The following STK39 variants were observed in gnomAD, a reference collection of about 807,000 sequenced individuals.
The protein encoded by STK39 is STE20/SPS1-related proline-alanine-rich protein kinase.
A neutral mutation model predicts 77.8 loss-of-function variants in STK39; 20 were observed. The observed-to-expected ratio is 0.26, with a 90% CI of 0.18 to 0.37. The LOEUF (loss-of-function observed/expected upper bound fraction) is 0.37. Ranked by LOEUF, STK39 falls within the 10% of genes least tolerant of loss-of-function variation. The probability of loss-of-function intolerance (pLI) is 1.00; values close to 1 mark genes in which losing one functional copy is unlikely to be tolerated. For missense variants in STK39, 479 were observed against 656.5 expected (o/e 0.73, Z 2.95); for synonymous variants, 246 against 234.1 (o/e 1.05, Z -0.47).
intron 5 of STK39, among the ~76,000 whole-genome samples, chr2:168,161,145 T>A (rs1171991837): frequency 1.3e-5 from 2 of 152,120 alleles, no homozygotes; most frequent in African/African-American, 4.8e-5. Flanking sequence ...TGAGACAGAC[T>A]TTCAACGACA....
chr2:168,127,431 G>A (rs1204174278), intron 10 of STK39, among the ~76,000 whole-genome samples: 1 of 152,164 alleles, frequency 6.6e-6, no homozygotes, highest in Non-Finnish European at 1.5e-5. Context: ...TTACAGGTGT[G>A]AGCCACCACA....
chr2:167,999,827 A>C (rs1300727039), intron 16 of STK39, among the ~76,000 whole-genome samples: 1 of 152,140 alleles, frequency 6.6e-6, no homozygotes, highest in East Asian at 1.9e-4. Flanking sequence ...CTGGATGACA[A>C]AGAGTGGTAG....
intron 15 of STK39, among the ~76,000 whole-genome samples, chr2:168,016,534 G>A (rs1016240744): frequency 1.2e-4 from 19 of 152,174 alleles, no homozygotes; most frequent in Admixed American, 1.0e-3. Context: ...AATAACCGCA[G>A]AGGGGGTCAA....
intron 14 of STK39, among the ~76,000 whole-genome samples, chr2:168,040,063 G>T (rs1044103212): frequency 3.9e-5 from 6 of 151,954 alleles, no homozygotes; most frequent in Non-Finnish European, 8.8e-5. Context: ...CAATCATCCT[G>T]TACATTACAA....
intron 14 of STK39, among the ~76,000 whole-genome samples, chr2:168,055,292 T>A (rs538320255): frequency 2.6e-4 from 40 of 152,380 alleles, no homozygotes; most frequent in Non-Finnish European, 4.3e-4. Context: ...ATACTCATGC[T>A]AAAACAATGG....
intron 1 of STK39, among the ~76,000 whole-genome samples, chr2:168,191,471 G>A (rs1689338677): frequency 6.6e-6 from 1 of 152,132 alleles, no homozygotes; most frequent in Non-Finnish European, 1.5e-5. Flanking sequence ...GGAAGGCCCT[G>A]GATTTGGGCA....
At chr2:168,205,445 T>C (rs540360977) in intron 1 of STK39, among the ~76,000 whole-genome samples, 1 of 152,276 alleles carries the variant, frequency 6.6e-6, no homozygotes, top group South Asian at 2.1e-4. Context: ...AAAATTACTT[T>C]ATAATATTAA....
At chr2:168,014,747 G>A (rs1684363658) in intron 15 of STK39, among the ~76,000 whole-genome samples, 1 of 152,128 alleles carries the variant, frequency 6.6e-6, no homozygotes, top group Admixed American at 6.5e-5. Flanking sequence ...CTACTGATTG[G>A]TCATCTGCTG....
At chr2:168,216,538 A>C (rs1690029155) in intron 1 of STK39, among the ~76,000 whole-genome samples, 1 of 152,252 alleles carries the variant, frequency 6.6e-6, no homozygotes, top group Admixed American at 6.5e-5. Flanking sequence ...GCATTCCTGC[A>C]GGAAATTCCT....
intron 1 of STK39, among the ~76,000 whole-genome samples, chr2:168,186,416 T>C (rs781569569): frequency 6.6e-6 from 1 of 152,214 alleles, no homozygotes; most frequent in Non-Finnish European, 1.5e-5. Context: ...CTAACACCTA[T>C]GGCAGAGAAT....
Position 168,065,316 on chromosome 2 carries a change from T to C in STK39, c.1305+3A>G, listed in dbSNP as rs757106778. 4.3e-6 allele frequency: 7 copies of C among 1,613,934 alleles called. No homozygotes were observed. The highest frequency in any genetic ancestry group is 2.2e-5 in the East Asian group (1 of 44,872). On this transcript the variant is annotated splice_donor_region_variant and intron_variant, in intron 13 of 17. Transcript: ENST00000355999. ...AAACGGAATGACTGGCAGAGAAACA[T>C]ACCTGAGAGTCGTGCACAGAGAGGG...
chr2:167,974,118 A>G (rs1280500884), intron 16 of STK39, among the ~76,000 whole-genome samples: 1 of 152,186 alleles, frequency 6.6e-6, no homozygotes, highest in African/African-American at 2.4e-5. Flanking sequence ...TTAAAAGATA[A>G]TAAAAGATTT....
chr2:168,117,966 T>C (rs958055571), intron 10 of STK39, among the ~76,000 whole-genome samples: 1 of 152,178 alleles, frequency 6.6e-6, no homozygotes, highest in Admixed American at 6.6e-5. Context: ...GGGCATTTAC[T>C]GACAATATTT....
At chr2:168,239,772 C>A (rs996838864) in intron 1 of STK39, among the ~76,000 whole-genome samples, 2 of 152,184 alleles carry the variant, frequency 1.3e-5, no homozygotes, top group Non-Finnish European at 2.9e-5. Context: ...ACTTAACAGT[C>A]TAGAGCCAGG....
In STK39 at chr2:168,247,547, G is replaced by GCCA; in HGVS notation, c.-113_-112insTGG. Reference sequence around the variant, plus strand: ...CGGCCGGCGCACGCCCTCCCCGCCCGCCGCCGCCGCCGCCGTCCCCGCCGA... The same window carrying GCCA: ...CGGCCGGCGCACGCCCTCCCCGCCCGCCACCGCCGCCGCCGCCGTCCCCGCCGA... On this transcript the variant is annotated 5_prime_UTR_variant, in exon 1 of 18. Coordinates refer to ENST00000355999, the MANE Select transcript of STK39 (RefSeq NM_013233.3). 1 of 628,878 alleles carries GCCA rather than the reference G, an allele frequency of 1.6e-6. No homozygotes were observed. The highest frequency in any genetic ancestry group is 2.1e-6 in the Non-Finnish European group (1 of 483,680). The allele number at this position is 628,878 out of a possible 1,614,324, so 39.0% of individuals were successfully genotyped here.
chr2:167,968,133 T>C (rs181045565), intron 16 of STK39, among the ~76,000 whole-genome samples: 7 of 152,368 alleles, frequency 4.6e-5, no homozygotes, highest in East Asian at 1.9e-4. Context: ...TTCTGTTTCA[T>C]GGCTGTGTGG....
At chr2:168,211,684 C>T (rs192591280) in intron 1 of STK39, among the ~76,000 whole-genome samples, 4 of 152,314 alleles carry the variant, frequency 2.6e-5, no homozygotes, top group East Asian at 3.9e-4. Context: ...GCATCATCAA[C>T]GCCCTGTCTT....
intron 14 of STK39, among the ~76,000 whole-genome samples, chr2:168,037,730 A>T (rs1035806797): frequency 2.0e-5 from 3 of 152,236 alleles, no homozygotes; most frequent in Non-Finnish European, 4.4e-5. Context: ...AATAAAAAAT[A>T]TATGCAAAGT....
intron 10 of STK39, among the ~76,000 whole-genome samples, chr2:168,105,252 GTC>G (rs1322507996): frequency 6.6e-6 from 1 of 152,146 alleles, no homozygotes; most frequent in African/African-American, 2.4e-5. Context: ...ACCATACTCA[GTC>G]TGATGAACTT....
Sources: gnomAD v4.1 joint callset for allele counts (sites outside exome capture counted in the v4.1 genomes callset) on GRCh38, gnomAD v4.1.1 for gene constraint, MANE v1.5 for transcripts, NCBI Gene and HGNC (gene_info 2026-07-23, HGNC 2026-07-21) for gene names.